CSMD1: variants seen among roughly 807,000 people sequenced by gnomAD.
CSMD1 encodes the protein CUB and Sushi multiple domains 1, also known as CUB and sushi domain-containing protein 1.
In CSMD1, 213 loss-of-function variants were observed where a neutral mutation model predicts 417.5. The ratio of observed to expected loss-of-function variants is 0.51; its 90% CI spans 0.46 to 0.57. The LOEUF (loss-of-function observed/expected upper bound fraction) is 0.57. CSMD1 is among the 20% of genes least tolerant of loss of function. The probability of loss-of-function intolerance (pLI) is 0.00; values close to 1 mark genes in which losing one functional copy is unlikely to be tolerated. For missense variants in CSMD1, 6,923 were observed against 4,529.7 expected, an observed-to-expected ratio of 1.53 and a Z score of -15.17; for synonymous variants, 2,862 against 1,736.8, an observed-to-expected ratio of 1.65 and a Z score of -16.11.
intron 3 of CSMD1, among the ~76,000 whole-genome samples, chr8:4,377,820 G>T (rs145296848): frequency 6.6e-6 from 1 of 152,150 alleles, no homozygotes. Context: ...TTAGCTTTGT[G>T]TATAAATATT....
intron 54 of CSMD1, among the ~76,000 whole-genome samples, chr8:2,989,429 C>G (rs1415400277): frequency 1.3e-5 from 2 of 152,204 alleles, no homozygotes; most frequent in East Asian, 3.8e-4. Flanking sequence ...CACTTCTAAT[C>G]AACATGACAT....
chr8:4,577,561 G>A (rs967433107), intron 2 of CSMD1, among the ~76,000 whole-genome samples: 8 of 152,064 alleles, frequency 5.3e-5, no homozygotes, highest in East Asian at 1.9e-4. Context: ...TCCTTCCTCC[G>A]GGTGTGAAAT....
chr8:4,562,493 G>C (rs542866739), intron 2 of CSMD1, among the ~76,000 whole-genome samples: 1 of 152,110 alleles, frequency 6.6e-6, no homozygotes, highest in Non-Finnish European at 1.5e-5. Context: ...CTTATCAGTC[G>C]TAAAACAAAC....
chr8:4,814,992 C>A (rs964767322), intron 1 of CSMD1, among the ~76,000 whole-genome samples: 1 of 151,878 alleles, frequency 6.6e-6, no homozygotes, highest in Admixed American at 6.6e-5. Flanking sequence ...AATCATTTTC[C>A]GTTTTTTAAA....
intron 5 of CSMD1, among the ~76,000 whole-genome samples, chr8:3,924,632 T>A (rs1382478475): frequency 6.6e-6 from 1 of 152,214 alleles, no homozygotes; most frequent in African/African-American, 2.4e-5. Flanking sequence ...TTCTGATTGG[T>A]TGAGTCTGCT....
intron 3 of CSMD1, among the ~76,000 whole-genome samples, chr8:4,107,914 A>C (rs4372022): frequency 0.24 from 36,576 of 152,104 alleles, 4,514 homozygotes; most frequent in East Asian, 0.35. Context: ...GAAACAAATA[A>C]CATTTTCGTC....
intron 3 of CSMD1, among the ~76,000 whole-genome samples, chr8:4,197,903 A>G (rs1050884621): frequency 4.6e-5 from 7 of 152,134 alleles, no homozygotes; most frequent in African/African-American, 1.7e-4. Flanking sequence ...AAAAAGCTTC[A>G]TCCATTTCAT....
rs150505006 is a variant in CSMD1, at chr8:2,984,918, G to A, written c.8378-6118C>T. ...TTGACTACACATCACCTGGACAAGA[G>A]GTTTACATACCCAACTTAAAAAATA... On this transcript the variant is annotated intron_variant, in intron 54 of 69. Coordinates refer to ENST00000635120, the MANE Select transcript of CSMD1 (RefSeq NM_033225.6). Among the ~76,000 whole-genome samples, 23 of 152,258 alleles carry A rather than the reference G, an allele frequency of 1.5e-4. No homozygotes were observed. In the South Asian group the frequency reaches 4.1e-3, roughly 27 times the overall value.
intron 46 of CSMD1, among the ~76,000 whole-genome samples, chr8:3,104,565 T>C (rs966177504): frequency 2.6e-5 from 4 of 152,216 alleles, no homozygotes; most frequent in African/African-American, 4.8e-5. Context: ...TAAGTTATTA[T>C]GGATATCTGA....
intron 1 of CSMD1, among the ~76,000 whole-genome samples, chr8:4,834,060 G>C (rs928933225): frequency 3.3e-5 from 5 of 152,264 alleles, no homozygotes; most frequent in African/African-American, 1.2e-4. Context: ...CATTAGCAAT[G>C]TAATTTTACT....
intron 7 of CSMD1, among the ~76,000 whole-genome samples, chr8:3,705,686 C>T (rs570831819): frequency 1.6e-4 from 24 of 152,288 alleles, no homozygotes; most frequent in Admixed American, 9.1e-4. Context: ...CTGTCATATC[C>T]GCAACAAAAC....
At chr8:3,627,388 T>G (rs960290070) in intron 7 of CSMD1, among the ~76,000 whole-genome samples, 14 of 152,174 alleles carry the variant, frequency 9.2e-5, no homozygotes, top group Admixed American at 3.3e-4. Context: ...ATATATATCC[T>G]TAAAGAAATC....
chr8:3,647,111 C>G (rs1797615284), intron 7 of CSMD1, among the ~76,000 whole-genome samples: 1 of 152,084 alleles, frequency 6.6e-6, no homozygotes, highest in African/African-American at 2.4e-5. Context: ...ATGAAAATCC[C>G]AGGAAGGAAT....
intron 3 of CSMD1, among the ~76,000 whole-genome samples, chr8:4,402,622 A>G (rs1288363418): frequency 6.6e-6 from 1 of 151,990 alleles, no homozygotes; most frequent in African/African-American, 2.4e-5. Context: ...CCCATTCTTT[A>G]ATCTTGCAAG....
In CSMD1 at chr8:4,447,636, CAGGTTTACGGAAA is replaced by C. The variant is rs1420638592; in HGVS notation, c.303-27584_303-27572del. ...CTTGACTAAGCTTGTTCAAAGTCGA[CAGGTTTACGGAAA>C]AGGAAGGAATGGTTTCCACACTCTC... On this transcript the variant is annotated intron_variant, in intron 2 of 69. Coordinates refer to ENST00000635120, the MANE Select transcript of CSMD1 (RefSeq NM_033225.6). Among the ~76,000 whole-genome samples the C allele has an allele frequency of 5.3e-5, 8 of 152,298 alleles. No individual in the cohort carries two copies. The East Asian group carries it at 1.5e-3, about 29-fold the overall frequency.
At chr8:4,734,801 C>T (rs1244748251) in intron 1 of CSMD1, among the ~76,000 whole-genome samples, 1 of 152,118 alleles carries the variant, frequency 6.6e-6, no homozygotes, top group African/African-American at 2.4e-5. Flanking sequence ...TTTAAGACCT[C>T]TCAAGGACCT....
intron 1 of CSMD1, among the ~76,000 whole-genome samples, chr8:4,688,891 G>C (rs548694926): frequency 2.7e-4 from 41 of 152,284 alleles, no homozygotes; most frequent in African/African-American, 8.9e-4. Flanking sequence ...ACTCACGTCA[G>C]TGTGCTAACA....
chr8:3,585,460 T>C (rs1224468778), intron 9 of CSMD1, among the ~76,000 whole-genome samples: 1 of 152,222 alleles, frequency 6.6e-6, no homozygotes, highest in African/African-American at 2.4e-5. Flanking sequence ...CCAGCATTTC[T>C]TTAATTTTAT....
At chr8:3,909,288 T>C (rs894881012) in intron 5 of CSMD1, among the ~76,000 whole-genome samples, 2 of 152,126 alleles carry the variant, frequency 1.3e-5, no homozygotes, top group Admixed American at 6.5e-5. Flanking sequence ...TTTCCCTCAT[T>C]GAAGTCTGTA....
Sources: allele counts gnomAD v4.1 joint callset (sites outside exome capture counted in the v4.1 genomes callset), GRCh38; gene constraint gnomAD v4.1.1; transcripts MANE v1.5; gene names NCBI Gene and HGNC (gene_info 2026-07-23, HGNC 2026-07-21).